Variants in GFOD1 observed in about 807,000 individuals in gnomAD.
GFOD1 encodes the protein glucose-fructose oxidoreductase domain-containing protein 1.
GFOD1 carries 9 observed loss-of-function variants against 25.4 expected under a neutral mutation model. That is an observed-to-expected ratio of 0.35 (90% CI 0.21 to 0.62). GFOD1 has a LOEUF of 0.62. Ranked by LOEUF, GFOD1 falls within the 20% of genes least tolerant of loss-of-function variation. The pLI, the probability that GFOD1 is intolerant of heterozygous loss-of-function variation, is 0.72. For missense variants in GFOD1, 403 were observed against 556.9 expected, an observed-to-expected ratio of 0.72 and a Z score of 2.78; for synonymous variants, 253 against 245.6, an observed-to-expected ratio of 1.03 and a Z score of -0.28.
intron 1 of GFOD1, among the ~76,000 whole-genome samples, chr6:13,389,006 T>G (rs541069484): frequency 6.6e-6 from 1 of 152,072 alleles, no homozygotes; most frequent in Non-Finnish European, 1.5e-5. Flanking sequence ...AACAGACACA[T>G]GAAAAAATGC....
At chr6:13,406,468 C>T (rs1305986147) in intron 1 of GFOD1, among the ~76,000 whole-genome samples, 1 of 152,092 alleles carries the variant, frequency 6.6e-6, no homozygotes, top group Non-Finnish European at 1.5e-5. Context: ...CCTGTATTCA[C>T]GTTAGGACTG....
intron 1 of GFOD1, among the ~76,000 whole-genome samples, chr6:13,422,324 C>A (rs919657731): frequency 6.6e-6 from 1 of 152,172 alleles, no homozygotes; most frequent in African/African-American, 2.4e-5. Flanking sequence ...GAGAGAAAAT[C>A]TGACTCTGCA....
chr6:13,397,461 CCT>C (rs1704881884), intron 1 of GFOD1, among the ~76,000 whole-genome samples: 1 of 152,234 alleles, frequency 6.6e-6, no homozygotes, highest in South Asian at 2.1e-4. Flanking sequence ...CTTTTCACTT[CCT>C]CTTTCACCTC....
intron 1 of GFOD1, among the ~76,000 whole-genome samples, chr6:13,368,425 T>C (rs2127555278): frequency 6.6e-6 from 1 of 152,354 alleles, no homozygotes; most frequent in Middle Eastern, 3.4e-3. Flanking sequence ...GCCACACACC[T>C]GTGTAACATT....
At chr6:13,390,699 C>G (rs1362255226) in intron 1 of GFOD1, among the ~76,000 whole-genome samples, 2 of 144,960 alleles carry the variant, frequency 1.4e-5, no homozygotes, top group Non-Finnish European at 3.0e-5. Flanking sequence ...TATACTCCAG[C>G]CTGGTGACAG....
At chr6:13,454,225 G>C (rs544502354) in intron 1 of GFOD1, among the ~76,000 whole-genome samples, 4 of 152,084 alleles carry the variant, frequency 2.6e-5, no homozygotes, top group African/African-American at 4.8e-5. Flanking sequence ...CCCTCAGAAG[G>C]AACCAGCCCT....
intron 1 of GFOD1, among the ~76,000 whole-genome samples, chr6:13,435,610 G>A (rs1757821432): frequency 6.6e-6 from 1 of 152,150 alleles, no homozygotes; most frequent in Non-Finnish European, 1.5e-5. Flanking sequence ...TTCTGTGCTG[G>A]TTGGTAAACA....
chr6:13,380,548 A>G (rs556567511), intron 1 of GFOD1, among the ~76,000 whole-genome samples: 1 of 152,138 alleles, frequency 6.6e-6, no homozygotes, highest in Non-Finnish European at 1.5e-5. Flanking sequence ...TATGACATAC[A>G]CACACCCCTG....
At chr6:13,379,460 T>C (rs1032196151) in intron 1 of GFOD1, among the ~76,000 whole-genome samples, 3 of 151,448 alleles carry the variant, frequency 2.0e-5, no homozygotes, top group African/African-American at 7.3e-5. Context: ...GCAGTGGGGG[T>C]AGCAGCATCT....
rs559937096 is a variant in GFOD1 at position 13,360,506 on chromosome 6, C to A, written c.*4237G>T. ...GACATTTTCCTACGTTATATTCAGA[C>A]CCCCAAGAGCAAATTCCAAGGCCAT... On this transcript the variant is annotated 3_prime_UTR_variant, in exon 2 of 2. Transcript: ENST00000379287. 5.6e-6 allele frequency: 2 copies of A among 355,708 alleles called. No individual in the cohort carries two copies. Among genetic ancestry groups the A allele is most frequent in the South Asian group, 4.2e-5 (2 of 47,956 alleles). The allele number at this position is 355,708 out of a possible 1,614,324, so 22.0% of individuals were successfully genotyped here. A position where few individuals can be genotyped will look rare whatever the true frequency, so the allele number is the denominator to read the frequency against.
At chr6:13,453,254 G>A (rs1758128929) in intron 1 of GFOD1, among the ~76,000 whole-genome samples, 1 of 152,216 alleles carries the variant, frequency 6.6e-6, no homozygotes, top group South Asian at 2.1e-4. Flanking sequence ...GCATTTTGAA[G>A]AACGCCTGTT....
intron 1 of GFOD1, among the ~76,000 whole-genome samples, chr6:13,386,268 T>C (rs1035777986): frequency 1.3e-5 from 2 of 152,132 alleles, no homozygotes; most frequent in African/African-American, 4.8e-5. Context: ...TAAAGGATCA[T>C]GATGTCGAGT....
intron 1 of GFOD1, among the ~76,000 whole-genome samples, chr6:13,421,890 G>A (rs769961839): frequency 4.6e-5 from 7 of 152,168 alleles, no homozygotes; most frequent in South Asian, 2.1e-4. Context: ...AATCAAACAG[G>A]CACAACAATC....
intron 1 of GFOD1, among the ~76,000 whole-genome samples, chr6:13,464,256 G>C (rs1294837313): frequency 1.3e-5 from 2 of 152,184 alleles, no homozygotes; most frequent in African/African-American, 4.8e-5. Context: ...CAGGCAAGTG[G>C]AAGGCTCCAG....
intron 1 of GFOD1, among the ~76,000 whole-genome samples, chr6:13,379,077 C>T (rs1663610449): frequency 6.6e-6 from 1 of 152,226 alleles, no homozygotes; most frequent in South Asian, 2.1e-4. Context: ...AGCACTTTCA[C>T]CTGCACCAGC....
chr6:13,463,304 G>C (rs1190865006), intron 1 of GFOD1, among the ~76,000 whole-genome samples: 1 of 152,158 alleles, frequency 6.6e-6, no homozygotes, highest in Non-Finnish European at 1.5e-5. Context: ...TAGCGAGTTA[G>C]GGGCAGGCAC....
At position 13,361,956 on chromosome 6, in the gene GFOD1, G is replaced by GC. The variant is rs1413309433; in HGVS notation, c.*2786dup. 6.6e-6 allele frequency: 1 copy of GC among 152,068 alleles called. No homozygotes were observed. Among genetic ancestry groups the GC allele is most frequent in the Non-Finnish European group, 1.5e-5 (1 of 68,026 alleles). 9.4% of individuals were successfully genotyped at this position (152,068 alleles called of 1,614,324 possible). A position where few individuals can be genotyped will look rare whatever the true frequency, so the allele number is the denominator to read the frequency against. ...ACCCGAAGTTTTGGGAAAAGATTTC[G>GC]CGAGTATTATGGTTTAGTACAGAAA... On this transcript the variant is annotated 3_prime_UTR_variant, in exon 2 of 2. Transcript: ENST00000379287.
At chr6:13,384,167 A>C (rs1272887317) in intron 1 of GFOD1, among the ~76,000 whole-genome samples, 1 of 152,202 alleles carries the variant, frequency 6.6e-6, no homozygotes, top group Non-Finnish European at 1.5e-5. Context: ...TGGAGGTTGC[A>C]GTGAGCCGAG....
At chr6:13,432,039 C>T (rs1284742562) in intron 1 of GFOD1, among the ~76,000 whole-genome samples, 1 of 152,088 alleles carries the variant, frequency 6.6e-6, no homozygotes, top group Non-Finnish European at 1.5e-5. Flanking sequence ...TCTCATTCCC[C>T]GGTGACTCAG....
Sources: gnomAD v4.1 joint callset for allele counts (sites outside exome capture counted in the v4.1 genomes callset) on GRCh38, gnomAD v4.1.1 for gene constraint, MANE v1.5 for transcripts, NCBI Gene and HGNC (gene_info 2026-07-23, HGNC 2026-07-21) for gene names.